NXPH1: variants seen among roughly 807,000 people sequenced by gnomAD.
The protein encoded by NXPH1 is neurexophilin-1.
Under a neutral mutation model 23.7 loss-of-function variants are expected in NXPH1, and 5 were observed. The ratio of observed to expected loss-of-function variants is 0.21; its 90% CI spans 0.11 to 0.44. NXPH1 has a LOEUF of 0.44. NXPH1 is among the 20% of genes least tolerant of loss of function. The probability of loss-of-function intolerance (pLI) is 0.99; values close to 1 mark genes in which losing one functional copy is unlikely to be tolerated. For missense variants in NXPH1, 324 were observed against 321.6 expected (o/e 1.01, Z -0.06); for synonymous variants, 144 against 122.2 (o/e 1.18, Z -1.18).
intron 2 of NXPH1, among the ~76,000 whole-genome samples, chr7:8,541,090 AAAATC>A (rs1818109125): frequency 6.6e-6 from 1 of 151,814 alleles, no homozygotes; most frequent in Non-Finnish European, 1.5e-5. Flanking sequence ...AATGAGGAGA[AAAATC>A]AAACAATCAA....
chr7:8,549,382 AC>A (rs1460581911), intron 2 of NXPH1, among the ~76,000 whole-genome samples: 1 of 151,594 alleles, frequency 6.6e-6, no homozygotes, highest in Non-Finnish European at 1.5e-5. Flanking sequence ...TAACACATGC[AC>A]CACTACTTGT....
intron 2 of NXPH1, among the ~76,000 whole-genome samples, chr7:8,693,959 C>T (rs1347365531): frequency 6.6e-6 from 1 of 152,108 alleles, no homozygotes; most frequent in East Asian, 1.9e-4. Flanking sequence ...TGTAATCATC[C>T]AATGTATAAT....
At chr7:8,471,413 G>A (rs761151182) in intron 2 of NXPH1, among the ~76,000 whole-genome samples, 3 of 152,246 alleles carry the variant, frequency 2.0e-5, no homozygotes, top group African/African-American at 2.4e-5. Flanking sequence ...GTTTAGAAGA[G>A]GGTTGGAAGG....
chr7:8,648,882 A>G (rs1453844413), intron 2 of NXPH1, among the ~76,000 whole-genome samples: 3 of 152,104 alleles, frequency 2.0e-5, no homozygotes, highest in East Asian at 1.9e-4. Flanking sequence ...TTTGTTTTAT[A>G]TAAGTATATA....
At chr7:8,598,867 C>T (rs78503242) in intron 2 of NXPH1, among the ~76,000 whole-genome samples, 2 of 152,208 alleles carry the variant, frequency 1.3e-5, no homozygotes, top group Non-Finnish European at 2.9e-5. Flanking sequence ...TGCTTCTGAT[C>T]ATTGTATGCC....
intron 2 of NXPH1, among the ~76,000 whole-genome samples, chr7:8,743,989 A>C (rs1222148666): frequency 6.6e-6 from 1 of 152,152 alleles, no homozygotes. Flanking sequence ...CTGCCAAAGC[A>C]TGGCAACTCT....
intron 2 of NXPH1, among the ~76,000 whole-genome samples, chr7:8,471,013 C>T (rs566088448): frequency 7.2e-4 from 110 of 152,034 alleles, no homozygotes; most frequent in Middle Eastern, 3.4e-3. Context: ...CTAATTGGAA[C>T]TTCTTGGGTT....
At chr7:8,469,206 G>A (rs937714992) in intron 2 of NXPH1, among the ~76,000 whole-genome samples, 1 of 151,588 alleles carries the variant, frequency 6.6e-6, no homozygotes, top group African/African-American at 2.4e-5. Flanking sequence ...TGATTTTTTT[G>A]GGAAATTCTA....
intron 2 of NXPH1, among the ~76,000 whole-genome samples, chr7:8,726,242 G>A (rs1780050455): frequency 6.6e-6 from 1 of 150,438 alleles, no homozygotes; most frequent in African/African-American, 2.4e-5. Flanking sequence ...AAATATGGTT[G>A]GAAGGTAAGT....
chr7:8,463,223 A>C (rs1357351640), intron 2 of NXPH1, among the ~76,000 whole-genome samples: 1 of 152,190 alleles, frequency 6.6e-6, no homozygotes, highest in Non-Finnish European at 1.5e-5. Flanking sequence ...AGGCATATTT[A>C]CATATACTGA....
chr7:8,664,407 C>G (rs946144154), intron 2 of NXPH1, among the ~76,000 whole-genome samples: 11 of 152,072 alleles, frequency 7.2e-5, no homozygotes, highest in African/African-American at 2.4e-4. Flanking sequence ...GTAATCTTCT[C>G]CCACTGCCCT....
At chr7:8,745,904 C>T (rs1376647387) in intron 2 of NXPH1, among the ~76,000 whole-genome samples, 1 of 152,000 alleles carries the variant, frequency 6.6e-6, no homozygotes, top group Non-Finnish European at 1.5e-5. Flanking sequence ...CTGGCCCATG[C>T]ACTAGCTGTT....
At chr7:8,628,400 T>G (rs1820043515) in intron 2 of NXPH1, among the ~76,000 whole-genome samples, 1 of 150,230 alleles carries the variant, frequency 6.7e-6, no homozygotes. Flanking sequence ...AATGTATGGT[T>G]AGAAGAGTCA....
chr7:8,680,496 C>G (rs1821033410), intron 2 of NXPH1, among the ~76,000 whole-genome samples: 1 of 152,076 alleles, frequency 6.6e-6, no homozygotes, highest in Non-Finnish European at 1.5e-5. Flanking sequence ...CCAAATGACT[C>G]AAGAGAAAAT....
chr7:8,576,954 A>T (rs1818766951), intron 2 of NXPH1, among the ~76,000 whole-genome samples: 1 of 152,120 alleles, frequency 6.6e-6, no homozygotes. Flanking sequence ...TTATGGTGAA[A>T]ATTTACAAAT....
chr7:8,628,452 A>C (rs938285178), intron 2 of NXPH1, among the ~76,000 whole-genome samples: 2 of 151,968 alleles, frequency 1.3e-5, no homozygotes, highest in African/African-American at 4.8e-5. Context: ...CCAAAAACCC[A>C]AACCCAACAA....
At chr7:8,552,872 G>A (rs1818300829) in intron 2 of NXPH1, among the ~76,000 whole-genome samples, 1 of 151,482 alleles carries the variant, frequency 6.6e-6, no homozygotes, top group East Asian at 2.0e-4. Flanking sequence ...AAATCAGATT[G>A]GAAGAAATTA....
intron 2 of NXPH1, among the ~76,000 whole-genome samples, chr7:8,626,317 C>G (rs1819987246): frequency 6.6e-6 from 1 of 151,332 alleles, no homozygotes; most frequent in African/African-American, 2.4e-5. Context: ...CAAACTGCAA[C>G]TTTGTTGAAC....
intron 2 of NXPH1, among the ~76,000 whole-genome samples, chr7:8,615,216 T>A (rs923755534): frequency 3.9e-5 from 6 of 152,046 alleles, no homozygotes; most frequent in Admixed American, 3.9e-4. Flanking sequence ...AGGAATGGGA[T>A]TGCGGGAGCT....
Sources: allele counts gnomAD v4.1 joint callset (sites outside exome capture counted in the v4.1 genomes callset), GRCh38; gene constraint gnomAD v4.1.1; transcripts MANE v1.5; gene names NCBI Gene and HGNC (gene_info 2026-07-23, HGNC 2026-07-21).